The following POLQ variants were observed in gnomAD, a reference collection of about 807,000 sequenced individuals.
POLQ encodes the protein epididymis secretory sperm binding protein.
POLQ carries 233 observed loss-of-function variants against 259.2 expected under a neutral mutation model. The ratio of observed to expected loss-of-function variants is 0.90; its 90% CI spans 0.81 to 1.00. The LOEUF (loss-of-function observed/expected upper bound fraction) is 1.00, where lower values mean the gene tolerates loss of function less well. Among genes scored for constraint, POLQ ranks in the 50% least tolerant of loss-of-function variants. The probability of loss-of-function intolerance (pLI) is 0.00; values close to 1 mark genes in which losing one functional copy is unlikely to be tolerated. For missense variants in POLQ, 2,871 were observed against 3,051.6 expected, an observed-to-expected ratio of 0.94 and a Z score of 1.39; for synonymous variants, 1,025 against 1,048.8, an observed-to-expected ratio of 0.98 and a Z score of 0.44.
chr3:121,456,447 C>G, intron 25 of POLQ, among the ~76,000 whole-genome samples: 1 of 152,156 alleles, frequency 6.6e-6, no homozygotes. Context: ...CAAATTGTCC[C>G]TGTTTGCAGA....
At chr3:121,509,769 A>C (rs1261509495) in intron 11 of POLQ, 66 bp from the exon 12 acceptor site, 2 of 1,469,510 alleles carry the variant, frequency 1.4e-6, no homozygotes, top group Non-Finnish European at 1.9e-6. Context: ...ACAAAATACT[A>C]TCTTTCTGTT....
intron 12 of POLQ, among the ~76,000 whole-genome samples, chr3:121,500,697 A>G (rs1314266571): frequency 6.6e-6 from 1 of 152,224 alleles, no homozygotes; most frequent in Admixed American, 6.5e-5. Context: ...GATGGACAAC[A>G]TTAACCTACA....
In POLQ at chr3:121,537,170, A is replaced by C; in HGVS notation, c.670T>G (p.Ser224Ala). Reference sequence around the variant, plus strand: ...AGTTCCAGCAGATACCCTCGGTGAGAGTCTCCCAGCATATGTAATTCATCC... The same window carrying C: ...AGTTCCAGCAGATACCCTCGGTGAGCGTCTCCCAGCATATGTAATTCATCC... ...VVDELHMLGD[S>A]HRGYLLELLL... Residue 224 changes from serine to alanine, a missense_variant, in exon 5 of 30, where the codon TCT (serine) becomes GCT (alanine). Ser to Ala is a moderately conservative substitution (Grantham distance 99). Coordinates refer to ENST00000264233, the MANE Select transcript of POLQ (RefSeq NM_199420.4). 1 of 1,606,014 alleles carries C rather than the reference A, an allele frequency of 6.2e-7. No individual in the cohort carries two copies. The highest frequency in any genetic ancestry group is 1.1e-5 in the South Asian group (1 of 90,758).
At position 121,520,025 on chromosome 3, in the gene POLQ, C is replaced by T; in HGVS notation, c.1314G>A (p.Arg438=). ...AAAGAGTAGAAGTTGCCGCCAAGAC[C>T]CGAATGAGACCTTGACGAAAGGCTC... The part of the protein sequence containing the change: ...IEGAFRQGLI[R]VLAATSTLSS... Residue 438 remains arginine, a synonymous_variant, in exon 9 of 30, where the codon CGG becomes CGA. Transcript: ENST00000264233. 1 of 1,613,636 alleles carries T rather than the reference C, an allele frequency of 6.2e-7. No individual in the cohort carries two copies. Among genetic ancestry groups the T allele is most frequent in the Non-Finnish European group, 8.5e-7 (1 of 1,179,650 alleles).
intron 14 of POLQ, chr3:121,494,417 C>A: frequency 4.5e-6 from 7 of 1,553,102 alleles, no homozygotes; most frequent in Non-Finnish European, 6.2e-6. Context: ...CAAGTACAGA[C>A]CAGAGTCAAG....
chr3:121,478,336 T>G (rs148936285), intron 19 of POLQ, among the ~76,000 whole-genome samples: 1 of 151,770 alleles, frequency 6.6e-6, no homozygotes, highest in East Asian at 1.9e-4. Context: ...ACAAAAAATA[T>G]GAAAAATACA....
chr3:121,521,813 C>T (rs1008939101), intron 8 of POLQ, 190 bp downstream of exon 8: 5 of 342,386 alleles, frequency 1.5e-5, no homozygotes, highest in Non-Finnish European at 2.6e-5. Flanking sequence ...TCAGGTGATC[C>T]ACTTGCTTCG....
In POLQ at chr3:121,488,575, TTG is replaced by T; in HGVS notation, c.4354_4355del (p.Gln1452ArgfsTer28). 6.2e-7 allele frequency: 1 copy of T among 1,611,310 alleles called. No homozygotes were observed. The highest frequency in any genetic ancestry group is 8.5e-7 in the Non-Finnish European group (1 of 1,179,122). On this transcript the variant is annotated frameshift_variant, in exon 16 of 30. Coordinates refer to ENST00000264233, the MANE Select transcript of POLQ (RefSeq NM_199420.4). LOFTEE classifies it high-confidence loss of function. ...GAAGTATAACTGGTTTCACAGTTTC[TTG>T]TGTTTGATAACCTTGAAGAAAACTA... Reference protein sequence around the residue: ...LNSFLQGYQTQETVKPVILLI... With the variant: ...LNSFLQGYQTXETVKPVILLI...
intron 25 of POLQ, among the ~76,000 whole-genome samples, chr3:121,449,672 T>C (rs1365971661): frequency 6.6e-6 from 1 of 152,176 alleles, no homozygotes. Flanking sequence ...GTATGTGTGA[T>C]CTAAGGAAAA....
intron 24 of POLQ, among the ~76,000 whole-genome samples, chr3:121,460,696 G>C (rs192950287): frequency 4.7e-4 from 71 of 152,268 alleles, no homozygotes; most frequent in African/African-American, 1.7e-3. Context: ...TGTCCAATGT[G>C]TGCAAATGTT....
Position 121,519,837 on chromosome 3 carries a change from C to G in POLQ, c.1468+34G>C, listed in dbSNP as rs1436962638. On this transcript the variant is annotated intron_variant, in intron 9 of 29. Transcript: ENST00000264233. Reference sequence around the variant, plus strand: ...ATTTCAAGTAGACACTGTCCTTCAGCAATGCTGCTACAATTAAATTCAAAC... The same window carrying G: ...ATTTCAAGTAGACACTGTCCTTCAGGAATGCTGCTACAATTAAATTCAAAC... 2.6e-6 allele frequency: 3 copies of G among 1,157,640 alleles called. No individual in the cohort carries two copies. The African/African-American group carries it at 4.5e-5, about 18-fold the overall frequency. 71.7% of individuals were successfully genotyped at this position (1,157,640 alleles called of 1,614,324 possible).
chr3:121,541,202 C>A (rs1475092468), intron 3 of POLQ, 147 bp downstream of exon 3: 10 of 706,656 alleles, frequency 1.4e-5, no homozygotes, highest in Non-Finnish European at 2.3e-5. Flanking sequence ...ATTTTTAATG[C>A]TTTTGGCAGT....
chr3:121,517,352 C>A (rs1171123933), intron 9 of POLQ, among the ~76,000 whole-genome samples: 1 of 151,990 alleles, frequency 6.6e-6, no homozygotes, highest in Non-Finnish European at 1.5e-5. Context: ...TAGGAAAAAT[C>A]CAACAAATTG....
At chr3:121,514,689 G>A (rs1219400290) in intron 9 of POLQ, among the ~76,000 whole-genome samples, 1 of 151,936 alleles carries the variant, frequency 6.6e-6, no homozygotes, top group African/African-American at 2.4e-5. Context: ...CAGAAACAAA[G>A]CAAGGAGGTA....
intron 12 of POLQ, among the ~76,000 whole-genome samples, chr3:121,507,248 A>G (rs1319938461): frequency 5.3e-5 from 8 of 152,224 alleles, no homozygotes; most frequent in Non-Finnish European, 4.4e-5. Flanking sequence ...GTACATGCAA[A>G]CACTAAATGT....
intron 26 of POLQ, among the ~76,000 whole-genome samples, chr3:121,442,822 G>A (rs1375353669): frequency 2.0e-5 from 3 of 152,124 alleles, no homozygotes; most frequent in Admixed American, 6.6e-5. Context: ...CAGTGTGATT[G>A]CTGGATCATA....
At chr3:121,473,525 C>T (rs374249728) in intron 20 of POLQ, 38 bp from the exon 21 acceptor site, 14 of 1,551,058 alleles carry the variant, frequency 9.0e-6, no homozygotes, top group Middle Eastern at 1.7e-4. Flanking sequence ...AAGAATGAAA[C>T]TTGCAAGGAT....
rs2048035384 is a variant in POLQ, at chr3:121,488,659, C to T, written c.4272G>A (p.Glu1424=). The change falls in exon 16 of 30, where the codon GAG becomes GAA. Residue 1424 remains glutamate (E), a synonymous_variant. Coordinates refer to ENST00000264233, the MANE Select transcript of POLQ (RefSeq NM_199420.4). ...SPIFHSPILL[E]ENGLFLKKNE... ...TCTTTTTTAAAAAAAGACCATTTTC[C>T]TCCAATAGTATTGGAGAATGGAAAA... 1 of 1,605,568 alleles carries T rather than the reference C, an allele frequency of 6.2e-7. No individual in the cohort carries two copies. The highest frequency in any genetic ancestry group is 8.5e-7 in the Non-Finnish European group (1 of 1,177,914).
At chr3:121,455,769 G>A (rs1482793292) in intron 25 of POLQ, among the ~76,000 whole-genome samples, 1 of 152,096 alleles carries the variant, frequency 6.6e-6, no homozygotes, top group Non-Finnish European at 1.5e-5. Context: ...AAGAGTCCAG[G>A]ACCAGATGGA....
Sources: allele counts gnomAD v4.1 joint callset (sites outside exome capture counted in the v4.1 genomes callset), GRCh38; gene constraint gnomAD v4.1.1; transcripts MANE v1.5; gene names NCBI Gene and HGNC (gene_info 2026-07-23, HGNC 2026-07-21).